Variants in DLGAP1 observed in about 807,000 individuals in gnomAD.
DLGAP1 encodes the protein disks large-associated protein 1.
Under a neutral mutation model 90.8 loss-of-function variants are expected in DLGAP1, and 11 were observed. The observed-to-expected ratio is 0.12, with a 90% confidence interval of 0.08 to 0.20. The LOEUF (loss-of-function observed/expected upper bound fraction) is 0.20. Among genes scored for constraint, DLGAP1 ranks in the 10% least tolerant of loss-of-function variants. DLGAP1 has a pLI of 1.00. For missense variants in DLGAP1, 1,050 were observed against 1,333.8 expected, an observed-to-expected ratio of 0.79 and a Z score of 3.31; for synonymous variants, 558 against 540.7, an observed-to-expected ratio of 1.03 and a Z score of -0.44.
intron 11 of DLGAP1, among the ~76,000 whole-genome samples, chr18:3,504,083 C>T (rs1436070279): frequency 1.3e-5 from 2 of 151,870 alleles, no homozygotes; most frequent in African/African-American, 4.8e-5. Flanking sequence ...GTGACAAGAG[C>T]GACATTCTGT....
intron 5 of DLGAP1, chr18:3,770,808 C>T (rs529550277): frequency 2.6e-5 from 4 of 152,206 alleles, no homozygotes; most frequent in Non-Finnish European, 5.9e-5. Flanking sequence ...GCCACAGATA[C>T]TCTGACTAAA....
chr18:4,132,596 G>C (rs924016195), intron 2 of DLGAP1, among the ~76,000 whole-genome samples: 30 of 152,064 alleles, frequency 2.0e-4, no homozygotes, highest in African/African-American at 7.2e-4. Flanking sequence ...ATTCTGCCAG[G>C]TACAATAGTT....
intron 2 of DLGAP1, among the ~76,000 whole-genome samples, chr18:4,017,668 C>T (rs1035369448): frequency 6.6e-6 from 1 of 152,188 alleles, no homozygotes; most frequent in Non-Finnish European, 1.5e-5. Flanking sequence ...GGAGCTCTCG[C>T]CCTCTCCTGG....
At chr18:3,657,748 G>A (rs1182179371) in intron 7 of DLGAP1, among the ~76,000 whole-genome samples, 1 of 151,852 alleles carries the variant, frequency 6.6e-6, no homozygotes, top group Non-Finnish European at 1.5e-5. Flanking sequence ...TACTACAGGC[G>A]CCCGCCACCG....
At chr18:3,661,441 C>T (rs1173862515) in intron 7 of DLGAP1, among the ~76,000 whole-genome samples, 3 of 152,176 alleles carry the variant, frequency 2.0e-5, no homozygotes, top group African/African-American at 7.2e-5. Context: ...TGGACCACTC[C>T]CTCCGGGAAG....
At chr18:3,587,610 C>G (rs1252118943) in intron 7 of DLGAP1, among the ~76,000 whole-genome samples, 2 of 152,122 alleles carry the variant, frequency 1.3e-5, no homozygotes, top group Non-Finnish European at 2.9e-5. Flanking sequence ...GCTTGGGTCC[C>G]CTTCCATGCT....
intron 5 of DLGAP1, among the ~76,000 whole-genome samples, chr18:3,760,097 C>T (rs886993319): frequency 2.6e-5 from 4 of 152,200 alleles, no homozygotes; most frequent in African/African-American, 9.7e-5. Context: ...CATGGGAATA[C>T]ATCATTGTAA....
At chr18:4,201,684 AAAG>A (rs2144811535) in intron 1 of DLGAP1, among the ~76,000 whole-genome samples, 1 of 152,290 alleles carries the variant, frequency 6.6e-6, no homozygotes, top group South Asian at 2.1e-4. Context: ...ACATTTCTCA[AAAG>A]AAGATTATAC....
intron 7 of DLGAP1, among the ~76,000 whole-genome samples, chr18:3,677,566 A>T (rs779410697): frequency 7.9e-5 from 12 of 152,234 alleles, no homozygotes; most frequent in Non-Finnish European, 1.5e-4. Flanking sequence ...TTCTCAGCTA[A>T]ATAGACAGAG....
chr18:3,772,413 TCTTTCTTTCCTTC>T, intron 5 of DLGAP1, among the ~76,000 whole-genome samples: 1 of 90,048 alleles, frequency 1.1e-5, no homozygotes, highest in Non-Finnish European at 2.2e-5. Flanking sequence ...TCTTTCTCTT[TCTTTCTTTCCTTC>T]CTTCCTCCCT....
chr18:4,401,949 G>T (rs1283066455), intron 1 of DLGAP1, among the ~76,000 whole-genome samples: 1 of 152,162 alleles, frequency 6.6e-6, no homozygotes, highest in Non-Finnish European at 1.5e-5. Flanking sequence ...TTTTAAGGCT[G>T]CAGGCAGCAA....
At chr18:3,950,655 A>G (rs761902434) in intron 3 of DLGAP1, among the ~76,000 whole-genome samples, 1 of 152,244 alleles carries the variant, frequency 6.6e-6, no homozygotes, top group Non-Finnish European at 1.5e-5. Flanking sequence ...CTCAAGCTTC[A>G]GAAGTGGTGA....
intron 8 of DLGAP1, among the ~76,000 whole-genome samples, chr18:3,577,294 G>A (rs2055214493): frequency 6.6e-6 from 1 of 152,118 alleles, no homozygotes; most frequent in South Asian, 2.1e-4. Flanking sequence ...TAAACTTCTG[G>A]TAACCCCACC....
chr18:3,783,449 T>C (rs1040581054), intron 5 of DLGAP1, among the ~76,000 whole-genome samples: 5 of 152,176 alleles, frequency 3.3e-5, no homozygotes, highest in African/African-American at 1.2e-4. Flanking sequence ...TTCCACACAG[T>C]AAAATACTAT....
intron 3 of DLGAP1, among the ~76,000 whole-genome samples, chr18:3,909,731 T>C (rs1297278104): frequency 2.6e-5 from 4 of 152,206 alleles, no homozygotes; most frequent in Non-Finnish European, 5.9e-5. Flanking sequence ...TCCAGTGTAT[T>C]GCACACCACT....
chr18:3,655,881 G>C (rs1465769769), intron 7 of DLGAP1: 1 of 523,370 alleles, frequency 1.9e-6, no homozygotes, highest in Admixed American at 3.7e-5. Flanking sequence ...TGCCCTCTCA[G>C]GTCAGTGCAA....
chr18:4,185,693 A>G (rs929405262), intron 1 of DLGAP1, among the ~76,000 whole-genome samples: 1 of 152,026 alleles, frequency 6.6e-6, no homozygotes, highest in Non-Finnish European at 1.5e-5. Flanking sequence ...CCATTGAGGG[A>G]CATTTAGGTT....
intron 4 of DLGAP1, among the ~76,000 whole-genome samples, chr18:3,860,284 A>C (rs1184184246): frequency 1.3e-5 from 2 of 151,156 alleles, no homozygotes; most frequent in Non-Finnish European, 3.0e-5. Context: ...CTCTTGCTTC[A>C]GTTCACACTG....
chr18:3,505,058 C>T (rs1010363948), intron 11 of DLGAP1, among the ~76,000 whole-genome samples: 7 of 152,048 alleles, frequency 4.6e-5, no homozygotes, highest in African/African-American at 1.7e-4. Flanking sequence ...GATTTTTCTC[C>T]TCAGAATAGG....
Sources: gnomAD v4.1 joint callset for allele counts (sites outside exome capture counted in the v4.1 genomes callset) on GRCh38, gnomAD v4.1.1 for gene constraint, MANE v1.5 for transcripts, NCBI Gene and HGNC (gene_info 2026-07-23, HGNC 2026-07-21) for gene names.